EYS: variants seen among roughly 807,000 people sequenced by gnomAD.
EYS encodes the protein EGF-like photoreceptor maintenance factor.
EYS carries 250 observed loss-of-function variants against 282.1 expected under a neutral mutation model. The observed-to-expected ratio is 0.89, with a 90% CI of 0.80 to 0.98. EYS has a LOEUF of 0.98. EYS is among the 50% of genes least tolerant of loss of function. The pLI, the probability that EYS is intolerant of heterozygous loss-of-function variation, is 0.00. For missense variants in EYS, 4,016 were observed against 3,709.0 expected, an observed-to-expected ratio of 1.08 and a Z score of -2.15; for synonymous variants, 1,355 against 1,282.9, an observed-to-expected ratio of 1.06 and a Z score of -1.20.
At chr6:65,071,067 T>C (rs929857013) in intron 12 of EYS, among the ~76,000 whole-genome samples, 1 of 151,886 alleles carries the variant, frequency 6.6e-6, no homozygotes, top group Non-Finnish European at 1.5e-5. Flanking sequence ...CATTCTTTTA[T>C]CATTGCTGGA....
intron 22 of EYS, among the ~76,000 whole-genome samples, chr6:64,677,543 A>G (rs1232225484): frequency 6.6e-6 from 1 of 152,136 alleles, no homozygotes; most frequent in Non-Finnish European, 1.5e-5. Flanking sequence ...AAAGGTAGTA[A>G]TGCTAAATTT....
chr6:64,384,036 C>G (rs1019629754), intron 29 of EYS, among the ~76,000 whole-genome samples: 1 of 152,068 alleles, frequency 6.6e-6, no homozygotes, highest in Non-Finnish European at 1.5e-5. Context: ...ATTTGTTTTT[C>G]AGGAATCTCT....
chr6:64,992,837 G>A (rs76601000), intron 14 of EYS, among the ~76,000 whole-genome samples: 3 of 151,960 alleles, frequency 2.0e-5, no homozygotes, highest in Non-Finnish European at 4.4e-5. Context: ...GATTGATTCC[G>A]CACTGATGGG....
intron 26 of EYS, among the ~76,000 whole-genome samples, chr6:64,472,200 A>C (rs1776141309): frequency 6.6e-6 from 1 of 152,218 alleles, no homozygotes; most frequent in African/African-American, 2.4e-5. Flanking sequence ...ATAAGCCTTC[A>C]CATCTGGTGA....
intron 19 of EYS, among the ~76,000 whole-genome samples, chr6:64,849,409 G>A (rs1765813920): frequency 6.6e-6 from 1 of 151,972 alleles, no homozygotes; most frequent in Non-Finnish European, 1.5e-5. Flanking sequence ...AACTAGAAAT[G>A]TCTTGGGCTT....
Position 64,917,303 on chromosome 6 carries a change from T to G in EYS, c.2382-4560A>C, listed in dbSNP as rs141304497. ...TCAAAAATCTTAATAAATGTCAATT[T>G]CTAATGACTAAGCATTCTATATGTT... On this transcript the variant is annotated intron_variant, in intron 15 of 42. Coordinates refer to ENST00000503581, the MANE Select transcript of EYS (RefSeq NM_001142800.2). Among the ~76,000 whole-genome samples, 3 of 152,258 alleles carry G rather than the reference T, an allele frequency of 2.0e-5. No individual in the cohort carries two copies. In the East Asian group the frequency reaches 5.8e-4, roughly 29 times the overall value.
At chr6:64,684,808 G>T (rs1770032374) in intron 22 of EYS, among the ~76,000 whole-genome samples, 1 of 151,536 alleles carries the variant, frequency 6.6e-6, no homozygotes, top group African/African-American at 2.4e-5. Context: ...ATAGTCAATA[G>T]AAAAATTAAA....
In EYS at chr6:65,619,638, C is replaced by T. The variant is rs868626922; in HGVS notation, c.-333+20140G>A. Among the ~76,000 whole-genome samples the T allele has an allele frequency of 4.0e-4, 60 of 151,884 alleles. 1 individual carries two copies. Among genetic ancestry groups the T allele is most frequent in the African/African-American group, 1.2e-3 (49 of 41,482 alleles). On this transcript the variant is annotated intron_variant, in intron 2 of 42. Transcript: ENST00000503581. ...GGCATCCCTGTCTTGTGCCCGTTTTCAAAGGGAATGCTTCCAGTTTTTGCC... is the reference window on the plus strand; with the variant it reads ...GGCATCCCTGTCTTGTGCCCGTTTTTAAAGGGAATGCTTCCAGTTTTTGCC...
At chr6:63,962,249 A>G (rs1474322169) in intron 35 of EYS, among the ~76,000 whole-genome samples, 1 of 152,242 alleles carries the variant, frequency 6.6e-6, no homozygotes, top group African/African-American at 2.4e-5. Flanking sequence ...AAAAGCCAAA[A>G]TTGACAAATG....
intron 29 of EYS, among the ~76,000 whole-genome samples, chr6:64,310,060 T>TAAAAAAAAAAAAAA (rs1554142121): frequency 1.2e-5 from 1 of 85,582 alleles, no homozygotes; most frequent in African/African-American, 5.9e-5. Flanking sequence ...TTATTAAAAG[T>TAAAAAAAAAAAAAA]AAAAAAAATA....
intron 26 of EYS, among the ~76,000 whole-genome samples, chr6:64,580,892 T>C (rs1262948604): frequency 6.6e-6 from 1 of 152,068 alleles, no homozygotes; most frequent in Non-Finnish European, 1.5e-5. Context: ...TGATAAAGTT[T>C]ACCCTGAAGT....
chr6:64,121,893 G>C (rs550430753), intron 31 of EYS, among the ~76,000 whole-genome samples: 2 of 152,232 alleles, frequency 1.3e-5, no homozygotes, highest in Admixed American at 1.3e-4. Flanking sequence ...ACAGGGCTTA[G>C]TCAATACACC....
intron 30 of EYS, among the ~76,000 whole-genome samples, chr6:64,247,876 C>CTTTGAACTAAAA (rs1767067867): frequency 6.6e-6 from 1 of 152,124 alleles, no homozygotes; most frequent in South Asian, 2.1e-4. Flanking sequence ...ATAGTTTGAG[C>CTTTGAACTAAAA]TTTGAACTAA....
At chr6:64,694,849 G>A (rs531078533) in intron 22 of EYS, among the ~76,000 whole-genome samples, 2 of 152,124 alleles carry the variant, frequency 1.3e-5, no homozygotes, top group African/African-American at 2.4e-5. Context: ...GCAGTTTCAC[G>A]GTCTGAAGAC....
intron 26 of EYS, among the ~76,000 whole-genome samples, chr6:64,582,583 T>C (rs1766105637): frequency 9.7e-6 from 1 of 103,168 alleles, no homozygotes; most frequent in South Asian, 3.8e-4. Context: ...CAATCCTTGG[T>C]CTTTTTTTTT....
intron 12 of EYS, among the ~76,000 whole-genome samples, chr6:65,206,426 A>G (rs1280272112): frequency 6.6e-6 from 1 of 151,714 alleles, no homozygotes; most frequent in East Asian, 1.9e-4. Flanking sequence ...CCCAGGACCA[A>G]CAGATTCAGA....
chr6:63,877,336 T>A (rs569817877), intron 35 of EYS, among the ~76,000 whole-genome samples: 3 of 152,332 alleles, frequency 2.0e-5, no homozygotes, highest in African/African-American at 7.2e-5. Context: ...TGCTGAGTGA[T>A]CTGCTGTTAT....
intron 36 of EYS, among the ~76,000 whole-genome samples, chr6:63,819,640 A>G (rs954518857): frequency 6.6e-6 from 1 of 152,202 alleles, no homozygotes; most frequent in Non-Finnish European, 1.5e-5. Flanking sequence ...TATAAGGCCA[A>G]TAACTTTTGG....
chr6:65,071,924 G>A (rs1216746727), intron 12 of EYS, among the ~76,000 whole-genome samples: 3 of 151,698 alleles, frequency 2.0e-5, no homozygotes, highest in African/African-American at 7.2e-5. Context: ...ATGAGGAATT[G>A]CATCCCTTTT....
Sources: allele counts gnomAD v4.1 joint callset (sites outside exome capture counted in the v4.1 genomes callset), GRCh38; gene constraint gnomAD v4.1.1; transcripts MANE v1.5; gene names NCBI Gene and HGNC (gene_info 2026-07-23, HGNC 2026-07-21).